The following PHACTR2 variants were observed in gnomAD, a reference collection of about 807,000 sequenced individuals.
PHACTR2 encodes the protein chromosome 6 open reading frame 56.
Under a neutral mutation model 76.0 loss-of-function variants are expected in PHACTR2, and 30 were observed. The observed-to-expected ratio is 0.39, with a 90% CI of 0.30 to 0.54. The LOEUF is 0.54. Ranked by LOEUF, PHACTR2 falls within the 20% of genes least tolerant of loss-of-function variation. The probability of loss-of-function intolerance (pLI) is 0.61; values close to 1 mark genes in which losing one functional copy is unlikely to be tolerated. For synonymous variants in PHACTR2, 292 were observed against 292.5 expected, an observed-to-expected ratio of 1.00 and a Z score of 0.02; for missense variants, 696 against 781.1, an observed-to-expected ratio of 0.89 and a Z score of 1.30.
chr6:143,716,074 C>T (rs1778294273), intron 2 of PHACTR2, among the ~76,000 whole-genome samples: 1 of 152,172 alleles, frequency 6.6e-6, no homozygotes, highest in African/African-American at 2.4e-5. Context: ...CCTGACCTAG[C>T]TGGTGAGGCT....
At chr6:143,645,094 C>G (rs546394220) in intron 1 of PHACTR2, among the ~76,000 whole-genome samples, 2 of 151,156 alleles carry the variant, frequency 1.3e-5, no homozygotes, top group African/African-American at 4.9e-5. Flanking sequence ...TGTGGAGATT[C>G]CTTAAAGAAC....
chr6:143,540,227 G>T (rs1233326031), intron 1 of PHACTR2, among the ~76,000 whole-genome samples: 2 of 152,168 alleles, frequency 1.3e-5, no homozygotes, highest in Non-Finnish European at 2.9e-5. Flanking sequence ...ACTCCCTGCT[G>T]TGGGTCCTTA....
rs1254943848 is a variant in PHACTR2 at position 143,597,759 on chromosome 6, GC to G, written c.217+60554del. Reference sequence around the variant, plus strand: ...ACATGCTGGACCCAGGCTTTGGAATGCCATATAGAGCTAGATTATTGGAAAT... The same window carrying G: ...ACATGCTGGACCCAGGCTTTGGAATGCATATAGAGCTAGATTATTGGAAAT... On this transcript the variant is annotated intron_variant, in intron 1 of 11. Coordinates refer to the PHACTR2 transcript ENST00000367584. This position sits in a 1 kb window ranked among gnomAD's most constrained non-coding sequence, Gnocchi z 5.7. 6.6e-6 allele frequency among the ~76,000 whole-genome samples: 1 copy of G among 152,140 alleles called. No individual in the cohort carries two copies. The highest frequency in any genetic ancestry group is 1.5e-5 in the Non-Finnish European group (1 of 68,026).
intron 1 of PHACTR2, among the ~76,000 whole-genome samples, chr6:143,626,427 CT>C (rs1776258952): frequency 1.3e-5 from 2 of 151,910 alleles, no homozygotes; most frequent in Non-Finnish European, 2.9e-5. Context: ...GTCCCAGGTA[CT>C]CCGGAGGCTG....
intron 1 of PHACTR2, among the ~76,000 whole-genome samples, chr6:143,590,125 A>T (rs1775673862): frequency 6.6e-6 from 1 of 152,218 alleles, no homozygotes; most frequent in African/African-American, 2.4e-5. Context: ...ACTTACTTAA[A>T]AATAAATTTG....
Position 143,709,596 on chromosome 6 carries a change from C to T in PHACTR2, c.47-2420C>T, listed in dbSNP as rs1202287033. Among the ~76,000 whole-genome samples the T allele has an allele frequency of 6.6e-6, 1 of 152,190 alleles. No individual in the cohort carries two copies. Among genetic ancestry groups the T allele is most frequent in the Non-Finnish European group, 1.5e-5 (1 of 68,042 alleles). Reference sequence around the variant, plus strand: ...TCTATAGCAGGGGAAGCAGTGGGTGCCGCCTTGTCACCCCGACATGGAGGT... The same window carrying T: ...TCTATAGCAGGGGAAGCAGTGGGTGTCGCCTTGTCACCCCGACATGGAGGT... On this transcript the variant is annotated intron_variant, in intron 1 of 12. Coordinates refer to ENST00000440869, the MANE Select transcript of PHACTR2 (RefSeq NM_001100164.2). The surrounding 1 kb of genome is among the most constrained non-coding windows in gnomAD (Gnocchi z 4.4).
rs370044182 is a variant in PHACTR2 at position 143,662,813 on chromosome 6, AC to A, written c.14-49200del. 1.2e-4 allele frequency among the ~76,000 whole-genome samples: 18 copies of A among 152,162 alleles called. No homozygotes were observed. The highest frequency in any genetic ancestry group is 3.6e-4 in the African/African-American group (15 of 41,526). On this transcript the variant is annotated intron_variant, in intron 1 of 11. Transcript: ENST00000305766. This position sits in a 1 kb window ranked among gnomAD's most constrained non-coding sequence, Gnocchi z 4.7. ...GGACTGTTATATGGGTGTATATTGC[AC>A]CCAGACAGTGAGCAGAGTACCCAAT...
chr6:143,647,394 C>T lies in PHACTR2; in HGVS notation c.13+39072C>T, dbSNP rs1426898397. On this transcript the variant is annotated intron_variant, in intron 1 of 11. Transcript: ENST00000305766. This position sits in a 1 kb window ranked among gnomAD's most constrained non-coding sequence, Gnocchi z 4.2. ...GACCTTTTCTCCTCTCAAAATTCTG[C>T]AGTAAATGGAAACCATTTCACATGT... Among the ~76,000 whole-genome samples the T allele has an allele frequency of 3.9e-5, 6 of 152,220 alleles. 1 individual carries two copies. The highest frequency in any genetic ancestry group is 1.5e-5 in the Non-Finnish European group (1 of 68,034).
chr6:143,574,777 G>A (rs559325920), intron 1 of PHACTR2, among the ~76,000 whole-genome samples: 2 of 151,422 alleles, frequency 1.3e-5, no homozygotes, highest in East Asian at 3.9e-4. Flanking sequence ...ACTAAGGACT[G>A]TCTCCTATAA....
Position 143,809,714 on chromosome 6 carries a change from G to GTATA in PHACTR2, c.1922+2595_1922+2598dup, listed in dbSNP as rs111770800. 1.3e-4 allele frequency among the ~76,000 whole-genome samples: 20 copies of GTATA among 149,342 alleles called. No homozygotes were observed. Among genetic ancestry groups the GTATA allele is most frequent in the South Asian group, 2.1e-4 (1 of 4,768 alleles). On this transcript the variant is annotated intron_variant, in intron 12 of 12. Coordinates refer to ENST00000440869, the MANE Select transcript of PHACTR2 (RefSeq NM_001100164.2). This position sits in a 1 kb window ranked among gnomAD's most constrained non-coding sequence, Gnocchi z 4.2. ...TGCATTTATAAATGTGTGTATGTGT[G>GTATA]TATATATATATATATATTAAATATG...
chr6:143,611,622 T>G lies in PHACTR2; in HGVS notation c.13+3300T>G, dbSNP rs1775975882. On this transcript the variant is annotated intron_variant, in intron 1 of 11. Coordinates refer to the PHACTR2 transcript ENST00000305766. This position sits in a 1 kb window ranked among gnomAD's most constrained non-coding sequence, Gnocchi z 4.4. ...AAAATAAGATAACTCCTGTAAAGCT[T>G]TTGGTACAATGGCTGGCATATGGCA... Among the ~76,000 whole-genome samples the G allele has an allele frequency of 6.6e-6, 1 of 152,162 alleles. No homozygotes were observed. Among genetic ancestry groups the G allele is most frequent in the African/African-American group, 2.4e-5 (1 of 41,422 alleles).
rs1280289250 is a variant in PHACTR2, at chr6:143,678,748, T to A, written c.46+539T>A. ...CAAATGAGACTTGTTTTGTTTATAG[T>A]AGATACAGCAGCTATAACATTTAGG... On this transcript the variant is annotated intron_variant, in intron 1 of 12. Transcript: ENST00000440869. This position sits in a 1 kb window ranked among gnomAD's most constrained non-coding sequence, Gnocchi z 6.2. Among the ~76,000 whole-genome samples, 4 of 152,242 alleles carry A rather than the reference T, an allele frequency of 2.6e-5. No homozygotes were observed. The highest frequency in any genetic ancestry group is 9.6e-5 in the African/African-American group (4 of 41,456).
At chr6:143,706,940 GT>G (rs1778067735) in intron 1 of PHACTR2, among the ~76,000 whole-genome samples, 1 of 152,140 alleles carries the variant, frequency 6.6e-6, no homozygotes, top group South Asian at 2.1e-4. Context: ...ATCCGCCCTT[GT>G]TTAATGATAG....
At chr6:143,586,587 A>T (rs1775632163) in intron 1 of PHACTR2, among the ~76,000 whole-genome samples, 1 of 152,240 alleles carries the variant, frequency 6.6e-6, no homozygotes, top group Non-Finnish European at 1.5e-5. Context: ...AGAGCAGGCT[A>T]CCCAGTAGGC....
Position 143,738,050 on chromosome 6 carries a change from C to G in PHACTR2, c.215-10935C>G, listed in dbSNP as rs187396864. 6.6e-6 allele frequency among the ~76,000 whole-genome samples: 1 copy of G among 152,228 alleles called. No individual in the cohort carries two copies. Among genetic ancestry groups the G allele is most frequent in the East Asian group, 1.9e-4 (1 of 5,200 alleles). On this transcript the variant is annotated intron_variant, in intron 2 of 12. Transcript: ENST00000440869. The surrounding 1 kb of genome is among the most constrained non-coding windows in gnomAD (Gnocchi z 4.0). ...AACTTAGACTGGTTATCCCCACCTA[C>G]CTGAGTTGGTGTTGTTTTAATATGT...
chr6:143,804,463 C>T (rs1776024320), intron 11 of PHACTR2, among the ~76,000 whole-genome samples: 1 of 152,200 alleles, frequency 6.6e-6, no homozygotes, highest in Admixed American at 6.5e-5. Flanking sequence ...ACAGGACTCA[C>T]CCAGAGTCAA....
chr6:143,664,404 A>G lies in PHACTR2; in HGVS notation c.14-47612A>G, dbSNP rs1313317632. 6.6e-6 allele frequency among the ~76,000 whole-genome samples: 1 copy of G among 152,108 alleles called. No homozygotes were observed. Among genetic ancestry groups the G allele is most frequent in the Non-Finnish European group, 1.5e-5 (1 of 68,014 alleles). On this transcript the variant is annotated intron_variant, in intron 1 of 11. Coordinates refer to the PHACTR2 transcript ENST00000305766. The surrounding 1 kb of genome is among the most constrained non-coding windows in gnomAD (Gnocchi z 5.1). ...AAGCTTATTCCTTTCATATTTATTG[A>G]GATTACTAATTTGGACTTACATTGC...
intron 6 of PHACTR2, among the ~76,000 whole-genome samples, chr6:143,766,893 C>A (rs944322079): frequency 6.6e-6 from 1 of 152,186 alleles, no homozygotes; most frequent in African/African-American, 2.4e-5. Flanking sequence ...TAAATTCTGT[C>A]TGGCAAAGGC....
intron 1 of PHACTR2, among the ~76,000 whole-genome samples, chr6:143,707,861 T>C (rs1410240481): frequency 2.0e-5 from 3 of 152,174 alleles, no homozygotes; most frequent in Non-Finnish European, 4.4e-5. Flanking sequence ...CTTATAATCA[T>C]GGCACGTGAG....
Sources: gnomAD v4.1 joint callset for allele counts (sites outside exome capture counted in the v4.1 genomes callset) on GRCh38, gnomAD v4.1.1 for gene constraint, Gnocchi (gnomAD v3.1) non-coding constraint, MANE v1.5 for transcripts, NCBI Gene and HGNC (gene_info 2026-07-23, HGNC 2026-07-21) for gene names.